FHL2: variants seen among roughly 807,000 people sequenced by gnomAD.
FHL2 encodes four and a half LIM domains 2.
A neutral mutation model predicts 32.7 loss-of-function variants in FHL2; 20 were observed. The ratio of observed to expected loss-of-function variants is 0.61; its 90% CI spans 0.43 to 0.89. The LOEUF (loss-of-function observed/expected upper bound fraction) is 0.89, where lower values mean the gene tolerates loss of function less well. Ranked by LOEUF, FHL2 falls within the 40% of genes least tolerant of loss-of-function variation. The pLI is 0.00. For missense variants in FHL2, 311 were observed against 358.6 expected (o/e 0.87, Z 1.07); for synonymous variants, 123 against 128.1 (o/e 0.96, Z 0.27).
rs547999370 is a variant in FHL2 at position 105,386,950 on chromosome 2, A to G, written c.-24-410T>C. On this transcript the variant is annotated intron_variant, in intron 2 of 6. Coordinates refer to ENST00000530340, the MANE Select transcript of FHL2 (RefSeq NM_001318895.3). ...CAGCTAACTTTTATATTTTTAGTAG[A>G]GACAGGGTTTTACCATGTTGGCTAG... Among the ~76,000 whole-genome samples the G allele has an allele frequency of 4.4e-3, 676 of 151,952 alleles. 5 individuals carry two copies. The highest frequency in any genetic ancestry group is 0.016 in the African/African-American group (646 of 41,434).
intron 2 of FHL2, among the ~76,000 whole-genome samples, chr2:105,394,580 GGA>G (rs199620971): frequency 0.027 from 347 of 12,794 alleles, no homozygotes; most frequent in African/African-American, 0.11. Context: ...TGAGACCCTG[GGA>G]AAAAAAAAAG....
At chr2:105,436,956 G>A (rs1224735725) in intron 1 of FHL2, among the ~76,000 whole-genome samples, 3 of 152,114 alleles carry the variant, frequency 2.0e-5, no homozygotes, top group Non-Finnish European at 4.4e-5. Context: ...TCAGAGATCG[G>A]TAGAAAGAGT....
At chr2:105,377,627 A>G (rs1225326698) in intron 3 of FHL2, 1 of 167,570 alleles carries the variant, frequency 6.0e-6, no homozygotes, top group African/African-American at 2.4e-5. Context: ...CAAGAGTGAA[A>G]CTGTCTCCAA....
intron 1 of FHL2, among the ~76,000 whole-genome samples, chr2:105,427,696 G>T (rs762060014): frequency 3.9e-5 from 6 of 152,142 alleles, no homozygotes; most frequent in Non-Finnish European, 7.4e-5. Flanking sequence ...GTTTGAGGTT[G>T]CAGGCAAGCA....
At chr2:105,390,686 G>A (rs78089803) in intron 2 of FHL2, among the ~76,000 whole-genome samples, 1,810 of 152,234 alleles carry the variant, frequency 0.012, 44 homozygotes, top group African/African-American at 0.042. Flanking sequence ...CAAGCCCTGA[G>A]CATCAGAATA....
chr2:105,390,496 C>A (rs1443030724), intron 2 of FHL2, among the ~76,000 whole-genome samples: 1 of 152,192 alleles, frequency 6.6e-6, no homozygotes, highest in Non-Finnish European at 1.5e-5. Context: ...GTGGATCCCT[C>A]TTCTACCTTG....
chr2:105,413,826 T>C (rs1683861090), intron 1 of FHL2, among the ~76,000 whole-genome samples: 2 of 152,166 alleles, frequency 1.3e-5, no homozygotes, highest in Admixed American at 1.3e-4. Flanking sequence ...AGAACACTTC[T>C]GTGACCCCAG....
chr2:105,399,674 G>A (rs2104638586), upstream of FHL2: 1 of 1,467,476 alleles, frequency 6.8e-7, no homozygotes, highest in Admixed American at 2.4e-5. Context: ...AAGTGAGCTG[G>A]GAGCGTGCCT....
chr2:105,399,606 T>A (rs1316176401), upstream of FHL2: 5 of 1,529,232 alleles, frequency 3.3e-6, no homozygotes, highest in Admixed American at 2.0e-5. Context: ...CACCTCTCCC[T>A]CTCGGGGCCA....
At chr2:105,414,106 C>T (rs1373264752) in intron 1 of FHL2, among the ~76,000 whole-genome samples, 1 of 152,142 alleles carries the variant, frequency 6.6e-6, no homozygotes, top group Non-Finnish European at 1.5e-5. Context: ...GGTAGAGCAG[C>T]TCACAGAACT....
chr2:105,402,644 A>G (rs2104644452), upstream of FHL2, among the ~76,000 whole-genome samples: 1 of 152,346 alleles, frequency 6.6e-6, no homozygotes, highest in African/African-American at 2.4e-5. Context: ...TCAAAGGAGG[A>G]TGGCAAGAAA....
chr2:105,391,271 T>C (rs1682711277), intron 2 of FHL2, among the ~76,000 whole-genome samples: 1 of 152,202 alleles, frequency 6.6e-6, no homozygotes, highest in Non-Finnish European at 1.5e-5. Context: ...AGGGACTTGT[T>C]ATCTAGTGAG....
intron 1 of FHL2, among the ~76,000 whole-genome samples, chr2:105,405,398 T>C (rs1683597044): frequency 6.6e-6 from 1 of 152,138 alleles, no homozygotes; most frequent in Non-Finnish European, 1.5e-5. Context: ...ATGCCTCACT[T>C]GTTCCTCAGA....
At chr2:105,428,197 T>C (rs1426223550) in intron 1 of FHL2, among the ~76,000 whole-genome samples, 1 of 152,188 alleles carries the variant, frequency 6.6e-6, no homozygotes, top group Non-Finnish European at 1.5e-5. Flanking sequence ...ATTCCAGTCC[T>C]GGAGGCCCTG....
intron 1 of FHL2, among the ~76,000 whole-genome samples, chr2:105,417,064 C>G (rs1438027976): frequency 6.6e-6 from 1 of 152,210 alleles, no homozygotes; most frequent in African/African-American, 2.4e-5. Flanking sequence ...ATGCATCTTC[C>G]CTTTCATCAC....
chr2:105,386,105 T>A, intron 3 of FHL2: 1 of 454,878 alleles, frequency 2.2e-6, no homozygotes, highest in Non-Finnish European at 3.9e-6. Flanking sequence ...AGGGCACTAA[T>A]TGCTAGAATA....
At chr2:105,417,144 G>A (rs1171939955) in intron 1 of FHL2, among the ~76,000 whole-genome samples, 2 of 152,166 alleles carry the variant, frequency 1.3e-5, no homozygotes, top group Non-Finnish European at 2.9e-5. Flanking sequence ...AGCACTTTGG[G>A]AGGCCAAGGT....
intron 4 of FHL2, among the ~76,000 whole-genome samples, chr2:105,370,795 C>T (rs1347297193): frequency 6.6e-6 from 1 of 152,138 alleles, no homozygotes; most frequent in East Asian, 1.9e-4. Flanking sequence ...GCCTTTGGTG[C>T]CCAGTCCGTT....
At chr2:105,429,324 T>C (rs1684356110) in intron 1 of FHL2, among the ~76,000 whole-genome samples, 1 of 152,194 alleles carries the variant, frequency 6.6e-6, no homozygotes, top group African/African-American at 2.4e-5. Context: ...TATGACACCT[T>C]ACATGGCAAG....
Sources: gnomAD v4.1 joint callset for allele counts (sites outside exome capture counted in the v4.1 genomes callset) on GRCh38, gnomAD v4.1.1 for gene constraint, MANE v1.5 for transcripts, NCBI Gene and HGNC (gene_info 2026-07-23, HGNC 2026-07-21) for gene names.